KCNQ5: variants seen among roughly 807,000 people sequenced by gnomAD.
KCNQ5 encodes potassium voltage-gated channel subfamily Q member 5, also known as potassium voltage-gated channel subfamily KQT member 5.
KCNQ5 carries 30 observed loss-of-function variants against 98.2 expected under a neutral mutation model. The observed-to-expected ratio is 0.31, with a 90% CI of 0.23 to 0.41. The LOEUF is 0.41. Ranked by LOEUF, KCNQ5 falls within the 10% of genes least tolerant of loss-of-function variation. KCNQ5 has a pLI of 1.00. For missense variants in KCNQ5, 835 were observed against 1,182.5 expected (o/e 0.71, Z 4.31); for synonymous variants, 458 against 449.4 (o/e 1.02, Z -0.24).
intron 1 of KCNQ5, among the ~76,000 whole-genome samples, chr6:72,797,375 C>T (rs1282130937): frequency 2.0e-5 from 3 of 151,734 alleles, no homozygotes; most frequent in Admixed American, 6.6e-5. Context: ...AATGTTGGCA[C>T]GCACCTGTCA....
intron 1 of KCNQ5, among the ~76,000 whole-genome samples, chr6:72,906,824 C>T (rs951076906): frequency 1.3e-5 from 2 of 152,164 alleles, no homozygotes; most frequent in Non-Finnish European, 2.9e-5. Flanking sequence ...CTGATTTATT[C>T]CTGCAGTTGT....
At chr6:72,651,696 C>T (rs1765883909) in intron 1 of KCNQ5, among the ~76,000 whole-genome samples, 1 of 151,954 alleles carries the variant, frequency 6.6e-6, no homozygotes, top group Non-Finnish European at 1.5e-5. Flanking sequence ...GCTGAGTATA[C>T]TGGAACAATC....
chr6:72,791,238 C>G (rs945741651), intron 1 of KCNQ5, among the ~76,000 whole-genome samples: 1 of 152,132 alleles, frequency 6.6e-6, no homozygotes, highest in African/African-American at 2.4e-5. Context: ...AGAAAAGAGG[C>G]CAAAGTGTGC....
At chr6:73,072,592 A>T (rs1312498357) in intron 3 of KCNQ5, among the ~76,000 whole-genome samples, 1 of 152,226 alleles carries the variant, frequency 6.6e-6, no homozygotes, top group African/African-American at 2.4e-5. Flanking sequence ...ACTAAATAAT[A>T]CTTGAGCAAA....
At chr6:72,917,768 G>A (rs1178174775) in intron 1 of KCNQ5, among the ~76,000 whole-genome samples, 2 of 152,124 alleles carry the variant, frequency 1.3e-5, no homozygotes, top group Non-Finnish European at 2.9e-5. Context: ...ACCATGCGCG[G>A]CCAGGAGCTC....
At chr6:72,981,878 G>T (rs996997042) in intron 1 of KCNQ5, among the ~76,000 whole-genome samples, 2 of 152,166 alleles carry the variant, frequency 1.3e-5, no homozygotes, top group African/African-American at 4.8e-5. Flanking sequence ...TGCTTTCAAA[G>T]AACATCTTTA....
In KCNQ5 at chr6:73,042,456, A is replaced by G. The variant is rs111617611; in HGVS notation, c.616+394A>G. ...ATTTAGGGGAACATTGATTTCAGTGAGTATAAAAAACCCTTTTTGCTCTAC... is the reference window on the plus strand; with the variant it reads ...ATTTAGGGGAACATTGATTTCAGTGGGTATAAAAAACCCTTTTTGCTCTAC... On this transcript the variant is annotated intron_variant, in intron 3 of 13. Transcript: ENST00000370398. Among the ~76,000 whole-genome samples the G allele has an allele frequency of 4.2e-3, 635 of 152,304 alleles. 4 individuals carry two copies. Among genetic ancestry groups the G allele is most frequent in the African/African-American group, 0.015 (605 of 41,568 alleles).
chr6:72,758,154 G>T (rs1468209441), intron 1 of KCNQ5, among the ~76,000 whole-genome samples: 1 of 151,868 alleles, frequency 6.6e-6, no homozygotes, highest in Non-Finnish European at 1.5e-5. Context: ...GCAAGCAGAA[G>T]ATAAGAAAGA....
chr6:72,799,722 G>A (rs1774535391), intron 1 of KCNQ5, among the ~76,000 whole-genome samples: 1 of 152,186 alleles, frequency 6.6e-6, no homozygotes, highest in South Asian at 2.1e-4. Flanking sequence ...GTCCTTAACT[G>A]TGGGACTGCC....
intron 1 of KCNQ5, among the ~76,000 whole-genome samples, chr6:72,896,315 T>G (rs762065940): frequency 2.6e-5 from 4 of 152,216 alleles, no homozygotes; most frequent in Non-Finnish European, 4.4e-5. Context: ...GCATGTTGAC[T>G]GTACCTTAAA....
chr6:72,935,483 C>G (rs1654840480), intron 1 of KCNQ5, among the ~76,000 whole-genome samples: 1 of 152,178 alleles, frequency 6.6e-6, no homozygotes, highest in African/African-American at 2.4e-5. Flanking sequence ...AATGGGTCCT[C>G]ATTCCCCTGC....
At chr6:72,912,318 G>A (rs955435754) in intron 1 of KCNQ5, among the ~76,000 whole-genome samples, 10 of 152,082 alleles carry the variant, frequency 6.6e-5, no homozygotes, top group African/African-American at 2.2e-4. Context: ...AGTAAGCATC[G>A]ATGGATTAGA....
chr6:73,053,858 T>G (rs1048668504), intron 3 of KCNQ5, among the ~76,000 whole-genome samples: 5 of 151,618 alleles, frequency 3.3e-5, no homozygotes, highest in African/African-American at 1.2e-4. Flanking sequence ...TGCACTAAAC[T>G]GAAGGAAATT....
At chr6:72,920,068 G>A (rs1393788782) in intron 1 of KCNQ5, among the ~76,000 whole-genome samples, 10 of 152,158 alleles carry the variant, frequency 6.6e-5, no homozygotes, top group East Asian at 3.8e-4. Context: ...TTAGGAGGCC[G>A]AGGTGGGTGG....
At chr6:72,998,459 G>A (rs1010975341) in intron 1 of KCNQ5, among the ~76,000 whole-genome samples, 3 of 152,122 alleles carry the variant, frequency 2.0e-5, no homozygotes, top group African/African-American at 7.2e-5. Context: ...TTAAGGGCCA[G>A]GCACGGTGGC....
intron 1 of KCNQ5, among the ~76,000 whole-genome samples, chr6:72,877,044 A>AT (rs773714645): frequency 9.2e-4 from 138 of 150,140 alleles, no homozygotes; most frequent in African/African-American, 1.4e-3. Context: ...ACTCTCACCC[A>AT]TTTTTTTTTA....
At chr6:73,087,265 A>G (rs902859132) in intron 5 of KCNQ5, among the ~76,000 whole-genome samples, 1 of 152,196 alleles carries the variant, frequency 6.6e-6, no homozygotes, top group Non-Finnish European at 1.5e-5. Flanking sequence ...GCAAAAACCT[A>G]AGGAGATCGA....
chr6:72,646,891 T>C (rs1040750482), intron 1 of KCNQ5, among the ~76,000 whole-genome samples: 7 of 152,208 alleles, frequency 4.6e-5, no homozygotes, highest in African/African-American at 1.2e-4. Context: ...TATAAAACTC[T>C]CAAATGAATT....
chr6:72,864,727 A>C (rs1031548526), intron 1 of KCNQ5, among the ~76,000 whole-genome samples: 6 of 152,274 alleles, frequency 3.9e-5, no homozygotes, highest in African/African-American at 1.4e-4. Flanking sequence ...GGCTTGACTA[A>C]TTTAGAAATA....
Sources: gnomAD v4.1 joint callset for allele counts (sites outside exome capture counted in the v4.1 genomes callset) on GRCh38, gnomAD v4.1.1 for gene constraint, MANE v1.5 for transcripts, NCBI Gene and HGNC (gene_info 2026-07-23, HGNC 2026-07-21) for gene names.